FARS2: variants seen among roughly 807,000 people sequenced by gnomAD.
FARS2 encodes the protein phenylalanyl-tRNA synthetase 2, mitochondrial, also known as phenylalanine--tRNA ligase, mitochondrial.
FARS2 carries 40 observed loss-of-function variants against 46.4 expected under a neutral mutation model. The observed-to-expected ratio is 0.86, with a 90% CI of 0.67 to 1.12. The LOEUF is 1.12. Ranked by LOEUF, FARS2 falls within the 50% of genes most tolerant of loss-of-function variation. FARS2 has a pLI of 0.00. For missense variants in FARS2, 513 were observed against 567.9 expected, an observed-to-expected ratio of 0.90 and a Z score of 0.98; for synonymous variants, 234 against 214.9, an observed-to-expected ratio of 1.09 and a Z score of -0.78.
At chr6:5,748,810 G>C (rs1582875516) in intron 6 of FARS2, among the ~76,000 whole-genome samples, 1 of 152,184 alleles carries the variant, frequency 6.6e-6, no homozygotes, top group East Asian at 1.9e-4. Context: ...GTGGATGCTT[G>C]CTGCTTTGCT....
At chr6:5,364,574 A>G (rs535238677) in intron 1 of FARS2, among the ~76,000 whole-genome samples, 1 of 152,354 alleles carries the variant, frequency 6.6e-6, no homozygotes, top group African/African-American at 2.4e-5. Context: ...AAGCTAAAAC[A>G]GGGCTCAGCA....
Position 5,600,094 on chromosome 6 carries a change from G to T in FARS2, c.1066-13075G>T, listed in dbSNP as rs531313252. ...CATTCTAGAGCTGTAAGGCAAATAT[G>T]AAAGGATTCAAAAAGACTTGAAAAT... On this transcript the variant is annotated intron_variant, in intron 5 of 6. Transcript: ENST00000274680. 6.6e-5 allele frequency among the ~76,000 whole-genome samples: 10 copies of T among 152,284 alleles called. No individual in the cohort carries two copies. In the East Asian group the frequency reaches 1.2e-3, roughly 18 times the overall value.
chr6:5,694,259 C>G (rs561726596), intron 6 of FARS2, among the ~76,000 whole-genome samples: 2 of 152,326 alleles, frequency 1.3e-5, no homozygotes, highest in South Asian at 4.1e-4. Flanking sequence ...GAGCAGCAGT[C>G]TTGATGCTAA....
At chr6:5,651,268 A>C (rs1379594738) in intron 6 of FARS2, among the ~76,000 whole-genome samples, 1 of 152,198 alleles carries the variant, frequency 6.6e-6, no homozygotes, top group Admixed American at 6.5e-5. Context: ...AAACCCCCCA[A>C]AAGATTCAGG....
At chr6:5,288,625 ATGTACGTGCTGGGCACTGT>A in intron 1 of FARS2, among the ~76,000 whole-genome samples, 1 of 152,316 alleles carries the variant, frequency 6.6e-6, no homozygotes, top group Non-Finnish European at 1.5e-5. Context: ...CAACAAGTAT[ATGTACGTGCTGGGCACTGT>A]TGTAGGTGCT....
intron 5 of FARS2, among the ~76,000 whole-genome samples, chr6:5,547,923 T>A (rs1317130904): frequency 1.3e-5 from 2 of 152,200 alleles, no homozygotes; most frequent in African/African-American, 4.8e-5. Context: ...TTTTCAACTG[T>A]ATTAGTCCAT....
intron 4 of FARS2, among the ~76,000 whole-genome samples, chr6:5,459,739 C>T (rs182056586): frequency 5.9e-5 from 9 of 152,272 alleles, no homozygotes; most frequent in Non-Finnish European, 1.0e-4. Context: ...AAGTTTAGTG[C>T]CAAGCCCCAG....
chr6:5,423,074 T>C (rs1762645476), intron 3 of FARS2, among the ~76,000 whole-genome samples: 1 of 148,496 alleles, frequency 6.7e-6, no homozygotes, highest in Non-Finnish European at 1.5e-5. Context: ...AGATCCAGGC[T>C]GTCCCCCACC....
At chr6:5,376,147 G>A (rs937656230) in intron 2 of FARS2, among the ~76,000 whole-genome samples, 4 of 151,778 alleles carry the variant, frequency 2.6e-5, no homozygotes, top group African/African-American at 7.3e-5. Context: ...TCAATCTTTC[G>A]ACACTGTTCT....
intron 1 of FARS2, among the ~76,000 whole-genome samples, chr6:5,358,749 T>C (rs909811203): frequency 2.6e-5 from 4 of 152,238 alleles, no homozygotes; most frequent in African/African-American, 9.6e-5. Flanking sequence ...CATTCTCTTA[T>C]GTATTCATTT....
chr6:5,710,758 C>T (rs1310972397), intron 6 of FARS2, among the ~76,000 whole-genome samples: 1 of 152,166 alleles, frequency 6.6e-6, no homozygotes, highest in African/African-American at 2.4e-5. Flanking sequence ...CTCGGCTGGG[C>T]ACTGATCGAT....
At chr6:5,578,064 G>A (rs1773092650) in intron 5 of FARS2, among the ~76,000 whole-genome samples, 1 of 152,158 alleles carries the variant, frequency 6.6e-6, no homozygotes, top group African/African-American at 2.4e-5. Flanking sequence ...GCCTCCTAAA[G>A]TGCTGGGATT....
chr6:5,449,014 G>A (rs910938708), intron 4 of FARS2, among the ~76,000 whole-genome samples: 9 of 152,186 alleles, frequency 5.9e-5, no homozygotes, highest in South Asian at 2.1e-4. Flanking sequence ...ATCGGAGAGC[G>A]TAAGAGAGCT....
At chr6:5,374,371 G>A (rs991049990) in intron 2 of FARS2, among the ~76,000 whole-genome samples, 4 of 152,084 alleles carry the variant, frequency 2.6e-5, no homozygotes, top group Non-Finnish European at 4.4e-5. Flanking sequence ...GATGGTCCCT[G>A]CTTTCATGGG....
intron 6 of FARS2, among the ~76,000 whole-genome samples, chr6:5,753,317 T>C (rs755009451): frequency 5.8e-4 from 89 of 152,306 alleles, no homozygotes; most frequent in Non-Finnish European, 1.1e-3. Context: ...CTCTCGGACA[T>C]TTTTCTCTAG....
chr6:5,420,953 G>A (rs201501967), intron 3 of FARS2, among the ~76,000 whole-genome samples: 41 of 71,288 alleles, frequency 5.8e-4, no homozygotes, highest in East Asian at 3.2e-3. Flanking sequence ...GGAGGACGGC[G>A]TCCTTCTCAC....
chr6:5,377,665 G>A (rs954853422), intron 2 of FARS2, among the ~76,000 whole-genome samples: 2 of 152,092 alleles, frequency 1.3e-5, no homozygotes, highest in African/African-American at 4.8e-5. Context: ...GTCCATGACC[G>A]AGTTTTTGTT....
chr6:5,454,276 T>G (rs1208055946), intron 4 of FARS2, among the ~76,000 whole-genome samples: 1 of 151,900 alleles, frequency 6.6e-6, no homozygotes, highest in African/African-American at 2.4e-5. Flanking sequence ...ACATCCTAAT[T>G]TACATTTGCT....
intron 2 of FARS2, among the ~76,000 whole-genome samples, chr6:5,384,404 C>T (rs530595636): frequency 2.8e-4 from 43 of 152,332 alleles, no homozygotes; most frequent in Admixed American, 1.6e-3. Context: ...AGGCAGCTGC[C>T]GATGCCACCC....
Sources: allele counts gnomAD v4.1 joint callset (sites outside exome capture counted in the v4.1 genomes callset), GRCh38; gene constraint gnomAD v4.1.1; transcripts MANE v1.5; gene names NCBI Gene and HGNC (gene_info 2026-07-23, HGNC 2026-07-21).